CNTN5: variants seen among roughly 807,000 people sequenced by gnomAD.
CNTN5 encodes contactin 5, also known as contactin-5.
In CNTN5, 77 loss-of-function variants were observed where a neutral mutation model predicts 129.1. That is an observed-to-expected ratio of 0.60 (90% CI 0.50 to 0.72). The LOEUF is 0.72. Among genes scored for constraint, CNTN5 ranks in the 30% least tolerant of loss-of-function variants. The pLI, the probability that CNTN5 is intolerant of heterozygous loss-of-function variation, is 0.00. For missense variants in CNTN5, 1,478 were observed against 1,328.8 expected (o/e 1.11, Z -1.75); for synonymous variants, 509 against 465.6 (o/e 1.09, Z -1.20).
intron 8 of CNTN5, among the ~76,000 whole-genome samples, chr11:99,958,667 A>C (rs112628605): frequency 6.6e-6 from 1 of 152,194 alleles, no homozygotes; most frequent in Admixed American, 6.5e-5. Context: ...AAATAAAGAA[A>C]TGCAGTTTTA....
chr11:99,230,251 G>C (rs1860921155), intron 1 of CNTN5, among the ~76,000 whole-genome samples: 1 of 151,938 alleles, frequency 6.6e-6, no homozygotes. Flanking sequence ...TTGCTCCAAT[G>C]ATAACAAGAT....
At chr11:99,774,327 T>C (rs1945045363) in intron 3 of CNTN5, among the ~76,000 whole-genome samples, 1 of 151,900 alleles carries the variant, frequency 6.6e-6, no homozygotes, top group East Asian at 1.9e-4. Context: ...TTTAGAAAAC[T>C]TCAGGTTTTT....
chr11:99,329,348 G>A (rs1310975794), intron 2 of CNTN5, among the ~76,000 whole-genome samples: 1 of 152,104 alleles, frequency 6.6e-6, no homozygotes, highest in African/African-American at 2.4e-5. Context: ...TATGATACTT[G>A]CTCAGCAAAT....
At position 99,559,955 on chromosome 11, in the gene CNTN5, C is replaced by T. The variant is rs547594103; in HGVS notation, c.55+3686C>T. On this transcript the variant is annotated intron_variant, in intron 3 of 24. Coordinates refer to ENST00000524871, the MANE Select transcript of CNTN5 (RefSeq NM_014361.4). ...ATTGAAAAAAAGATGATAGTTTGAA[C>T]AGACTACATGCTATATGATTTTCTT... Among the ~76,000 whole-genome samples the T allele has an allele frequency of 8.3e-4, 127 of 152,140 alleles. 1 individual carries two copies. Among genetic ancestry groups the T allele is most frequent in the African/African-American group, 2.8e-3 (118 of 41,528 alleles).
chr11:99,083,692 C>A (rs1047460029), intron 1 of CNTN5, among the ~76,000 whole-genome samples: 11 of 152,050 alleles, frequency 7.2e-5, no homozygotes, highest in African/African-American at 2.7e-4. Context: ...GTTGTAATTT[C>A]AAAATATACA....
chr11:99,254,819 A>G lies in CNTN5; in HGVS notation c.-209-70527A>G, dbSNP rs371316074. Among the ~76,000 whole-genome samples the G allele has an allele frequency of 3.0e-4, 45 of 152,152 alleles. 1 individual carries two copies. In the East Asian group the frequency reaches 7.7e-3, roughly 26 times the overall value. Reference sequence around the variant, plus strand: ...TAAATTTTTCTCATGTTACCCCAATATTAACAAAGAGTAAAATGTGCTTAA... The same window carrying G: ...TAAATTTTTCTCATGTTACCCCAATGTTAACAAAGAGTAAAATGTGCTTAA... On this transcript the variant is annotated intron_variant, in intron 1 of 24. Coordinates refer to ENST00000524871, the MANE Select transcript of CNTN5 (RefSeq NM_014361.4).
intron 3 of CNTN5, among the ~76,000 whole-genome samples, chr11:99,614,877 A>G (rs1950710958): frequency 6.6e-6 from 1 of 152,008 alleles, no homozygotes; most frequent in South Asian, 2.1e-4. Flanking sequence ...TAAGCTTATA[A>G]TCCTTACGAT....
intron 23 of CNTN5, among the ~76,000 whole-genome samples, chr11:100,349,367 A>G (rs1171094233): frequency 2.0e-5 from 3 of 151,950 alleles, no homozygotes; most frequent in Non-Finnish European, 4.4e-5. Context: ...CACTTGAAAT[A>G]CCAACCCTTT....
chr11:99,806,426 G>T (rs1375867023), intron 3 of CNTN5, among the ~76,000 whole-genome samples: 1 of 152,148 alleles, frequency 6.6e-6, no homozygotes, highest in Non-Finnish European at 1.5e-5. Flanking sequence ...TACTATGTAT[G>T]TGAGTGAGTG....
chr11:99,294,858 C>G (rs898698712), intron 1 of CNTN5, among the ~76,000 whole-genome samples: 5 of 152,050 alleles, frequency 3.3e-5, no homozygotes, highest in African/African-American at 1.2e-4. Flanking sequence ...TGCTTTTTTC[C>G]CCTCACATGT....
chr11:99,275,183 A>T (rs1261300756), intron 1 of CNTN5, among the ~76,000 whole-genome samples: 1 of 151,030 alleles, frequency 6.6e-6, no homozygotes. Context: ...TGACAAGCCA[A>T]GTTCATTGAT....
intron 1 of CNTN5, among the ~76,000 whole-genome samples, chr11:99,224,876 T>C (rs991490623): frequency 6.6e-6 from 1 of 151,996 alleles, no homozygotes; most frequent in African/African-American, 2.4e-5. Flanking sequence ...CCCATGTATT[T>C]ATTTTGAAAA....
intron 1 of CNTN5, among the ~76,000 whole-genome samples, chr11:99,198,283 A>G (rs1408001567): frequency 6.6e-6 from 1 of 152,156 alleles, no homozygotes; most frequent in African/African-American, 2.4e-5. Context: ...AAAGAGGGGA[A>G]GCAACCTTGT....
intron 2 of CNTN5, among the ~76,000 whole-genome samples, chr11:99,455,160 C>T (rs113123752): frequency 7.2e-5 from 11 of 152,028 alleles, no homozygotes; most frequent in Non-Finnish European, 1.3e-4. Flanking sequence ...AAAACTAACT[C>T]CAAAGTTGGC....
chr11:99,169,047 C>T (rs949056126), intron 1 of CNTN5, among the ~76,000 whole-genome samples: 1 of 152,138 alleles, frequency 6.6e-6, no homozygotes, highest in African/African-American at 2.4e-5. Context: ...ATGAACTGTA[C>T]ATGTAGGACT....
rs202141022 is a variant in CNTN5, at chr11:99,971,948, GAAA to G, written c.877+14946_877+14948del. Among the ~76,000 whole-genome samples the G allele has an allele frequency of 2.0e-4, 29 of 145,610 alleles. 1 individual carries two copies. Among genetic ancestry groups the G allele is most frequent in the Admixed American group, 2.0e-3 (29 of 14,578 alleles). On this transcript the variant is annotated intron_variant, in intron 8 of 24. Transcript: ENST00000524871. ...TATCAGGATAATTGACAATGCTTAA[GAAA>G]AAAAAACAAAAAAAACGGGTGGGAG...
At chr11:99,834,184 A>G (rs1392620078) in intron 4 of CNTN5, among the ~76,000 whole-genome samples, 1 of 152,150 alleles carries the variant, frequency 6.6e-6, no homozygotes, top group Non-Finnish European at 1.5e-5. Flanking sequence ...TCCATTTAGA[A>G]TACCTACTAC....
chr11:100,057,636 C>T (rs1943290166), intron 9 of CNTN5, among the ~76,000 whole-genome samples: 1 of 151,612 alleles, frequency 6.6e-6, no homozygotes, highest in Non-Finnish European at 1.5e-5. Context: ...CAAATATCTT[C>T]ATTTTACAGA....
At chr11:99,219,331 A>G (rs142249530) in intron 1 of CNTN5, among the ~76,000 whole-genome samples, 3 of 152,102 alleles carry the variant, frequency 2.0e-5, no homozygotes, top group African/African-American at 7.2e-5. Context: ...AAAGATTGCT[A>G]AAGAGGCTTA....
Sources: allele counts gnomAD v4.1 joint callset (sites outside exome capture counted in the v4.1 genomes callset), GRCh38; gene constraint gnomAD v4.1.1; transcripts MANE v1.5; gene names NCBI Gene and HGNC (gene_info 2026-07-23, HGNC 2026-07-21).